The following MME variants were observed in gnomAD, a reference collection of about 807,000 sequenced individuals.
MME encodes membrane metalloendopeptidase.
MME carries 98 observed loss-of-function variants against 113.2 expected under a neutral mutation model. That is an observed-to-expected ratio of 0.87 (90% CI 0.74 to 1.02). The LOEUF is 1.02. MME is among the 50% of genes least tolerant of loss of function. The pLI, the probability that MME is intolerant of heterozygous loss-of-function variation, is 0.00. For synonymous variants in MME, 292 were observed against 300.6 expected, an observed-to-expected ratio of 0.97 and a Z score of 0.30; for missense variants, 836 against 896.0, an observed-to-expected ratio of 0.93 and a Z score of 0.86.
intron 1 of MME, among the ~76,000 whole-genome samples, chr3:155,030,447 GGT>G (rs1267588841): frequency 1.3e-5 from 2 of 151,928 alleles, no homozygotes; most frequent in African/African-American, 4.8e-5. Flanking sequence ...TTGACTTCAG[GGT>G]GTAGCCCTTT....
At chr3:155,178,724 C>T (rs2108388940) in intron 22 of MME, among the ~76,000 whole-genome samples, 1 of 152,274 alleles carries the variant, frequency 6.6e-6, no homozygotes, top group African/African-American at 2.4e-5. Context: ...ATAACCTATA[C>T]ACCTTCTCCC....
At chr3:155,137,491 T>C (rs549137489) in intron 8 of MME, among the ~76,000 whole-genome samples, 3 of 152,062 alleles carry the variant, frequency 2.0e-5, no homozygotes, top group Non-Finnish European at 2.9e-5. Context: ...CGGATCACAA[T>C]GTCAGGAGTT....
intron 8 of MME, among the ~76,000 whole-genome samples, chr3:155,135,434 C>T (rs938947643): frequency 1.3e-5 from 2 of 152,100 alleles, no homozygotes; most frequent in African/African-American, 4.8e-5. Context: ...TGTCACAGAT[C>T]AGATGGCTGT....
At chr3:155,139,070 G>A (rs970661881) in intron 9 of MME, among the ~76,000 whole-genome samples, 4 of 152,050 alleles carry the variant, frequency 2.6e-5, no homozygotes, top group Admixed American at 1.3e-4. Flanking sequence ...CTGGGGCTAC[G>A]TGAAACCAAA....
At chr3:155,042,919 T>TA (rs1337830514) in intron 1 of MME, among the ~76,000 whole-genome samples, 1 of 57,252 alleles carries the variant, frequency 1.7e-5, no homozygotes, top group Non-Finnish European at 3.1e-5. Context: ...TATATATATA[T>TA]ATATATATAT....
At chr3:155,056,221 A>G (rs935091909) in intron 1 of MME, among the ~76,000 whole-genome samples, 5 of 151,916 alleles carry the variant, frequency 3.3e-5, no homozygotes, top group African/African-American at 1.2e-4. Context: ...GTACATATGC[A>G]CAATGTGCAG....
chr3:155,173,372 A>G (rs1559966607), intron 22 of MME, among the ~76,000 whole-genome samples: 1 of 152,074 alleles, frequency 6.6e-6, no homozygotes, highest in Admixed American at 6.6e-5. Flanking sequence ...GTAGTTGGAA[A>G]ATGAAATTTG....
chr3:155,160,480 T>A, intron 17 of MME, 32 bp downstream of exon 17: 1 of 1,433,884 alleles, frequency 7.0e-7, no homozygotes, highest in Non-Finnish European at 9.8e-7. Flanking sequence ...TTATTTAATA[T>A]TTCTCTATCG....
intron 1 of MME, among the ~76,000 whole-genome samples, chr3:155,072,153 G>T (rs1714588944): frequency 7.6e-6 from 1 of 130,776 alleles, no homozygotes; most frequent in South Asian, 2.6e-4. Flanking sequence ...GGGCGACAGA[G>T]CGAGACTCCG....
At chr3:155,100,414 G>A (rs1717108631) in intron 3 of MME, among the ~76,000 whole-genome samples, 1 of 152,226 alleles carries the variant, frequency 6.6e-6, no homozygotes, top group Admixed American at 6.5e-5. Context: ...AGGTGCTGGA[G>A]AGGATGTGGA....
intron 17 of MME, 102 bp from the exon 18 acceptor site, chr3:155,166,800 G>T: frequency 6.9e-7 from 1 of 1,454,930 alleles, no homozygotes. Context: ...GCATGCGCCT[G>T]TAGTCCCAGC....
chr3:155,173,919 G>A (rs920944726), intron 22 of MME, among the ~76,000 whole-genome samples: 1 of 152,000 alleles, frequency 6.6e-6, no homozygotes, highest in Non-Finnish European at 1.5e-5. Context: ...TCAGTTTCTT[G>A]ATATGTAAAA....
chr3:155,155,661 T>C (rs2108341166), intron 16 of MME, among the ~76,000 whole-genome samples: 1 of 152,308 alleles, frequency 6.6e-6, no homozygotes, highest in East Asian at 1.9e-4. Flanking sequence ...TGTCAAGTTA[T>C]GTAAGTACTG....
intron 16 of MME, among the ~76,000 whole-genome samples, chr3:155,153,728 T>G (rs945047309): frequency 6.6e-6 from 1 of 152,182 alleles, no homozygotes; most frequent in Non-Finnish European, 1.5e-5. Flanking sequence ...AGGAATCTCA[T>G]TGGTGCATCT....
chr3:155,129,847 A>G lies in MME; in HGVS notation c.721-8255A>G, dbSNP rs80095471. 5.8e-3 allele frequency among the ~76,000 whole-genome samples: 879 copies of G among 152,362 alleles called. 7 individuals carry two copies. Among genetic ancestry groups the G allele is most frequent in the Admixed American group, 7.4e-3 (113 of 15,304 alleles). ...CGAAAGATACACATGGCCCATAAAC[A>G]TAACCATTCCCATTCACAAAATTTG... On this transcript the variant is annotated intron_variant, in intron 8 of 22. Transcript: ENST00000360490.
intron 9 of MME, among the ~76,000 whole-genome samples, chr3:155,139,099 G>A (rs905124487): frequency 3.9e-5 from 6 of 152,074 alleles, no homozygotes; most frequent in African/African-American, 1.4e-4. Context: ...ATCAGAACCA[G>A]GGTGTTCTTG....
At chr3:155,109,249 A>G (rs1371504799) in intron 3 of MME, among the ~76,000 whole-genome samples, 1 of 152,174 alleles carries the variant, frequency 6.6e-6, no homozygotes, top group African/African-American at 2.4e-5. Flanking sequence ...ACCTATAGGC[A>G]CAAGAGCCCT....
intron 8 of MME, among the ~76,000 whole-genome samples, chr3:155,137,758 A>T (rs532803963): frequency 1.3e-5 from 2 of 152,290 alleles, no homozygotes; most frequent in Admixed American, 6.5e-5. Flanking sequence ...TCAGCGAAAA[A>T]ATTAGTATAT....
chr3:155,061,876 G>A (rs933759488), intron 1 of MME, among the ~76,000 whole-genome samples: 9 of 152,032 alleles, frequency 5.9e-5, no homozygotes, highest in African/African-American at 2.2e-4. Flanking sequence ...GGCCAGGCTG[G>A]TTTCGAACTC....
Sources: allele counts gnomAD v4.1 joint callset (sites outside exome capture counted in the v4.1 genomes callset), GRCh38; gene constraint gnomAD v4.1.1; transcripts MANE v1.5; gene names NCBI Gene and HGNC (gene_info 2026-07-23, HGNC 2026-07-21).